Variants in ZFYVE28 observed in about 807,000 individuals in gnomAD.
ZFYVE28 encodes the protein zinc finger FYVE-type containing 28.
ZFYVE28 carries 40 observed loss-of-function variants against 82.1 expected under a neutral mutation model. The observed-to-expected ratio is 0.49, with a 90% CI of 0.38 to 0.63. ZFYVE28 has a LOEUF of 0.63. Among genes scored for constraint, ZFYVE28 ranks in the 30% least tolerant of loss-of-function variants. The probability of loss-of-function intolerance (pLI) is 0.00; values close to 1 mark genes in which losing one functional copy is unlikely to be tolerated. For synonymous variants in ZFYVE28, 612 were observed against 546.1 expected, an observed-to-expected ratio of 1.12 and a Z score of -1.68; for missense variants, 1,321 against 1,242.1, an observed-to-expected ratio of 1.06 and a Z score of -0.96.
At chr4:2,327,268 ATAT>A (rs1312122477) in intron 6 of ZFYVE28, among the ~76,000 whole-genome samples, 1 of 22,372 alleles carries the variant, frequency 4.5e-5, no homozygotes, top group African/African-American at 1.8e-4. Flanking sequence ...ATATATATAT[ATAT>A]ATATATATAT....
At chr4:2,312,726 CAAAAAAAAAAAAA>C (rs1170479977) in intron 7 of ZFYVE28, among the ~76,000 whole-genome samples, 5 of 64,932 alleles carry the variant, frequency 7.7e-5, no homozygotes, top group Admixed American at 6.2e-4. Context: ...GACTCTGCCT[CAAAAAAAAAAAAA>C]AAAAAAAAAA....
At chr4:2,274,530 C>A (rs902838379) in intron 8 of ZFYVE28, among the ~76,000 whole-genome samples, 2 of 152,134 alleles carry the variant, frequency 1.3e-5, no homozygotes, top group Non-Finnish European at 2.9e-5. Context: ...TTAATATCGA[C>A]CGACTGCCCC....
At chr4:2,272,417 T>C (rs1002393951) in intron 10 of ZFYVE28, among the ~76,000 whole-genome samples, 2 of 152,210 alleles carry the variant, frequency 1.3e-5, no homozygotes, top group Non-Finnish European at 2.9e-5. Context: ...CCACCCTGGA[T>C]CCTACAGGGA....
chr4:2,358,255 C>G (rs536048551), intron 1 of ZFYVE28, among the ~76,000 whole-genome samples: 1 of 152,282 alleles, frequency 6.6e-6, no homozygotes, highest in East Asian at 1.9e-4. Flanking sequence ...GTCCATGTAT[C>G]TGTGTGCATG....
intron 12 of ZFYVE28, 128 bp downstream of exon 12, chr4:2,271,183 G>C: frequency 1.1e-6 from 1 of 951,792 alleles, no homozygotes; most frequent in Non-Finnish European, 1.6e-6. Flanking sequence ...ACCTCCAGGG[G>C]CCTCTGCACA....
rs373903049 is a variant in ZFYVE28 at position 2,341,468 on chromosome 4, C to T, written c.318+10G>A. On this transcript the variant is annotated intron_variant, in intron 3 of 12. Transcript: ENST00000290974. This position sits in a 1 kb window ranked among gnomAD's most constrained non-coding sequence, Gnocchi z 4.5. ...ATCAGGACCTCCGAACCCGGGTGGC[C>T]ACCCGCTACCTCGGCACCGAACCAC... The T allele has an allele frequency of 5.6e-6, 9 of 1,612,268 alleles. No homozygotes were observed. Among genetic ancestry groups the T allele is most frequent in the African/African-American group, 5.3e-5 (4 of 74,868 alleles).
Position 2,335,424 on chromosome 4 carries a change from A to C in ZFYVE28, c.701+281T>G, listed in dbSNP as rs775717378. Among the ~76,000 whole-genome samples, 3 of 152,054 alleles carry C rather than the reference A, an allele frequency of 2.0e-5. No individual in the cohort carries two copies. Among genetic ancestry groups the C allele is most frequent in the Non-Finnish European group, 4.4e-5 (3 of 68,002 alleles). On this transcript the variant is annotated intron_variant, in intron 6 of 12. Transcript: ENST00000290974. The surrounding 1 kb of genome is among the most constrained non-coding windows in gnomAD (Gnocchi z 5.8). ...CTGTGACTAATGAGCTCACCTGTGG[A>C]TCTCACCTGTCCAGTGGCAGGTGGC...
intron 1 of ZFYVE28, among the ~76,000 whole-genome samples, chr4:2,382,373 G>A (rs1728815636): frequency 6.6e-6 from 1 of 152,248 alleles, no homozygotes; most frequent in African/African-American, 2.4e-5. Flanking sequence ...TGTGAAAGCA[G>A]CTGGGAGGGA....
chr4:2,304,704 C>T lies in ZFYVE28; in HGVS notation c.1636G>A (p.Asp546Asn). ...AASEPVAEGMDGGPHKLSTGA... is the reference protein window; with the variant it reads ...AASEPVAEGMNGGPHKLSTGA... ...GTGCTAAGCTTGTGGGGGCCGCCAT[C>T]CATCCCCTCGGCCACGGGCTCCGAG... Residue 546 changes from aspartate to asparagine, a missense_variant, in exon 8 of 13, where the codon GAT becomes AAT. By Grantham distance (23) the Asp-to-Asn change is conservative. This residue lies in a region of ZFYVE28 where 978 missense variants were observed against 833.7 expected (regional missense o/e 1.17). Coordinates refer to ENST00000290974, the MANE Select transcript of ZFYVE28 (RefSeq NM_020972.3). The T allele has an allele frequency of 6.2e-7, 1 of 1,612,664 alleles. No homozygotes were observed. Among genetic ancestry groups the T allele is most frequent in the African/African-American group, 1.3e-5 (1 of 75,068 alleles).
intron 1 of ZFYVE28, chr4:2,364,348 G>T: frequency 7.0e-6 from 5 of 709,884 alleles, no homozygotes; most frequent in Non-Finnish European, 8.6e-6. Flanking sequence ...GGAACCACAG[G>T]TGTTGTGGGG....
In ZFYVE28 at chr4:2,341,949, G is replaced by A. The variant is rs934841776; in HGVS notation, c.181-334C>T. Among the ~76,000 whole-genome samples, 7 of 152,198 alleles carry A rather than the reference G, an allele frequency of 4.6e-5. No homozygotes were observed. The highest frequency in any genetic ancestry group is 1.3e-4 in the Admixed American group (2 of 15,290). On this transcript the variant is annotated intron_variant, in intron 2 of 12. Coordinates refer to ENST00000290974, the MANE Select transcript of ZFYVE28 (RefSeq NM_020972.3). This position sits in a 1 kb window ranked among gnomAD's most constrained non-coding sequence, Gnocchi z 4.5. ...GCAGGAGAATCACTTGAACCAGGGAGGCAGAGGTTGCAGTGAGCCGAGATG... is the reference window on the plus strand; with the variant it reads ...GCAGGAGAATCACTTGAACCAGGGAAGCAGAGGTTGCAGTGAGCCGAGATG...
intron 10 of ZFYVE28, 79 bp from the exon 11 acceptor site, chr4:2,271,858 C>T: frequency 7.5e-7 from 1 of 1,338,304 alleles, no homozygotes; most frequent in Admixed American, 1.7e-5. Context: ...TTGCTGGGCA[C>T]AGCTGGGGGC....
intron 2 of ZFYVE28, among the ~76,000 whole-genome samples, chr4:2,346,056 C>CGT (rs1723492141): frequency 6.6e-6 from 1 of 151,222 alleles, no homozygotes; most frequent in African/African-American, 2.4e-5. Context: ...TGGCCAGGGG[C>CGT]GGTGGCTCAC....
intron 1 of ZFYVE28, among the ~76,000 whole-genome samples, chr4:2,380,271 G>A (rs560706543): frequency 6.6e-6 from 1 of 152,152 alleles, no homozygotes; most frequent in African/African-American, 2.4e-5. Context: ...GCCAAAGTAG[G>A]CTGGCCTCAG....
chr4:2,313,907 T>A (rs899071770), intron 7 of ZFYVE28, among the ~76,000 whole-genome samples: 9 of 151,538 alleles, frequency 5.9e-5, no homozygotes, highest in Non-Finnish European at 1.2e-4. Context: ...AACTTACACA[T>A]GTAAGTCAGG....
At chr4:2,319,282 G>A (rs1718689810) in intron 7 of ZFYVE28, among the ~76,000 whole-genome samples, 1 of 152,146 alleles carries the variant, frequency 6.6e-6, no homozygotes, top group Admixed American at 6.5e-5. Flanking sequence ...GAGGAAAGCA[G>A]CGACAGCCAT....
At chr4:2,379,269 T>A (rs1166839037) in intron 1 of ZFYVE28, among the ~76,000 whole-genome samples, 13 of 152,178 alleles carry the variant, frequency 8.5e-5, no homozygotes. Context: ...AGTTTCCTCA[T>A]CTACCAAGAA....
intron 1 of ZFYVE28, among the ~76,000 whole-genome samples, chr4:2,366,179 A>G (rs1343010248): frequency 6.6e-6 from 1 of 152,210 alleles, no homozygotes; most frequent in Non-Finnish European, 1.5e-5. Context: ...TCCAGCAAAA[A>G]ACATAGGCGT....
rs190140671 is a variant in ZFYVE28 at position 2,302,602 on chromosome 4, A to G, written c.2051+1687T>C. Reference sequence around the variant, plus strand: ...AAAATGCCACACACAGAGTGACCACATGATCCGCAATTCCGCTCACAGGGA... The same window carrying G: ...AAAATGCCACACACAGAGTGACCACGTGATCCGCAATTCCGCTCACAGGGA... On this transcript the variant is annotated intron_variant, in intron 8 of 12. Coordinates refer to ENST00000290974, the MANE Select transcript of ZFYVE28 (RefSeq NM_020972.3). 1.6e-4 allele frequency among the ~76,000 whole-genome samples: 24 copies of G among 152,372 alleles called. No individual in the cohort carries two copies. In the East Asian group the frequency reaches 3.9e-3, roughly 24 times the overall value.
Sources: gnomAD v4.1 joint callset for allele counts (sites outside exome capture counted in the v4.1 genomes callset) on GRCh38, gnomAD v4.1.1 for gene constraint, gnomAD v4.1.1 regional missense constraint, Gnocchi (gnomAD v3.1) non-coding constraint, MANE v1.5 for transcripts, NCBI Gene and HGNC (gene_info 2026-07-23, HGNC 2026-07-21) for gene names.